The following ENO4 variants were observed in gnomAD, a reference collection of about 807,000 sequenced individuals.
ENO4 encodes the protein enolase 4.
In ENO4, 53 loss-of-function variants were observed where a neutral mutation model predicts 63.2. That is an observed-to-expected ratio of 0.84 (90% CI 0.67 to 1.05). The LOEUF (loss-of-function observed/expected upper bound fraction) is 1.05. ENO4 is among the 50% of genes least tolerant of loss of function. The probability of loss-of-function intolerance (pLI) is 0.00; values close to 1 mark genes in which losing one functional copy is unlikely to be tolerated. For missense variants in ENO4, 719 were observed against 772.0 expected, an observed-to-expected ratio of 0.93 and a Z score of 0.81; for synonymous variants, 266 against 283.8, an observed-to-expected ratio of 0.94 and a Z score of 0.63.
chr10:116,899,508 T>G (rs112996253), intron 10 of ENO4, among the ~76,000 whole-genome samples: 41 of 65,930 alleles, frequency 6.2e-4, no homozygotes, highest in Middle Eastern at 8.5e-3. Flanking sequence ...CTGGGGCTGG[T>G]GTGTGTGTGT....
chr10:116,883,378 G>A (rs1205588078), downstream of ENO4: 1 of 152,106 alleles, frequency 6.6e-6, no homozygotes, highest in Non-Finnish European at 1.5e-5. Context: ...TGTGGGATAG[G>A]GACATGTTAG....
downstream of ENO4, among the ~76,000 whole-genome samples, chr10:116,887,249 G>C (rs1847193945): frequency 6.6e-6 from 1 of 152,172 alleles, no homozygotes; most frequent in African/African-American, 2.4e-5. Flanking sequence ...GTTTTCCACA[G>C]ACTCCTTCTC....
At chr10:116,861,703 A>G (rs916211690) in intron 6 of ENO4, among the ~76,000 whole-genome samples, 9 of 152,170 alleles carry the variant, frequency 5.9e-5, no homozygotes, top group African/African-American at 1.9e-4. Flanking sequence ...AAGAGTCAAT[A>G]TGCCTCTTTA....
intron 10 of ENO4, chr10:116,911,371 A>G (rs1848184196): frequency 2.4e-6 from 3 of 1,247,654 alleles, no homozygotes; most frequent in Admixed American, 2.5e-5. Flanking sequence ...TGACCCTGAT[A>G]TGAAGCTATT....
intron 1 of ENO4, 77 bp downstream of exon 1, chr10:116,849,808 T>A: frequency 7.1e-7 from 1 of 1,407,226 alleles, no homozygotes; most frequent in Non-Finnish European, 9.5e-7. Flanking sequence ...GCCTTGCGCC[T>A]GCGCCTGCGC....
chr10:116,857,432 G>A (rs1846295510), intron 3 of ENO4, among the ~76,000 whole-genome samples: 1 of 152,106 alleles, frequency 6.6e-6, no homozygotes, highest in African/African-American at 2.4e-5. Context: ...CGCTAACAAG[G>A]AAGCATTTAC....
chr10:116,892,682 T>C (rs1281053955), intron 10 of ENO4, among the ~76,000 whole-genome samples: 1 of 152,204 alleles, frequency 6.6e-6, no homozygotes, highest in African/African-American at 2.4e-5. Flanking sequence ...AGATCGAAAG[T>C]CACAAATTAC....
chr10:116,902,983 T>TAC (rs1847807769), intron 10 of ENO4, among the ~76,000 whole-genome samples: 1 of 152,194 alleles, frequency 6.6e-6, no homozygotes, highest in Non-Finnish European at 1.5e-5. Context: ...GTGCCTGATA[T>TAC]ACTCAGTATA....
chr10:116,880,016 C>T, intron 13 of ENO4, 30 bp downstream of exon 13: 1 of 1,474,330 alleles, frequency 6.8e-7, no homozygotes, highest in Non-Finnish European at 9.3e-7. Flanking sequence ...TTTGTTTCCA[C>T]TTAGCCATGA....
intron 10 of ENO4, among the ~76,000 whole-genome samples, chr10:116,904,117 T>C (rs991594142): frequency 6.6e-6 from 1 of 152,170 alleles, no homozygotes; most frequent in Non-Finnish European, 1.5e-5. Flanking sequence ...ATGTTTCCTT[T>C]CTCTACTTGT....
At chr10:116,900,880 A>G in intron 10 of ENO4, 1 of 985,376 alleles carries the variant, frequency 1.0e-6, no homozygotes, top group Non-Finnish European at 1.2e-6. Flanking sequence ...AATAGTAGCA[A>G]TGAGAGAATG....
In ENO4 at chr10:116,849,825, A is replaced by C. The variant is rs903006457; in HGVS notation, c.165+94A>C. On this transcript the variant is annotated intron_variant, in intron 1 of 13. Coordinates refer to ENST00000341276, the MANE Select transcript of ENO4 (RefSeq NM_001242699.2). ...CTTGCGCCTGCGCCTGCGCCTCAGA[A>C]TCTCGCATGCCAGCCGCCCGGGCCC... 20 of 1,366,782 alleles carry C rather than the reference A, an allele frequency of 1.5e-5. No individual in the cohort carries two copies. In the African/African-American group the frequency reaches 2.2e-4, roughly 15 times the overall value. The allele number at this position is 1,366,782 out of a possible 1,614,324, so 84.7% of individuals were successfully genotyped here. A position where few individuals can be genotyped will look rare whatever the true frequency, so the allele number is the denominator to read the frequency against.
intron 10 of ENO4, among the ~76,000 whole-genome samples, chr10:116,899,506 G>GGTGT (rs370396879): frequency 0.05 from 6,167 of 124,476 alleles, 231 homozygotes; most frequent in African/African-American, 0.11. Context: ...GGCTGGGGCT[G>GGTGT]GTGTGTGTGT....
chr10:116,869,922 T>G (rs747966015), intron 8 of ENO4, among the ~76,000 whole-genome samples: 23 of 151,966 alleles, frequency 1.5e-4, no homozygotes, highest in Admixed American at 6.6e-5. Context: ...TATCTTTGTA[T>G]GATGTAAGGA....
chr10:116,872,175 C>T (rs1259559727), intron 9 of ENO4, among the ~76,000 whole-genome samples: 2 of 152,164 alleles, frequency 1.3e-5, no homozygotes, highest in Non-Finnish European at 2.9e-5. Flanking sequence ...CCAGCCTGGG[C>T]AACAAGAGTG....
chr10:116,871,870 T>C (rs1320003134), intron 9 of ENO4, among the ~76,000 whole-genome samples: 3 of 152,192 alleles, frequency 2.0e-5, no homozygotes, highest in Non-Finnish European at 4.4e-5. Flanking sequence ...AAGAGAAAGA[T>C]TCTAAAGAGA....
At chr10:116,889,581 G>C (rs930072054) in intron 10 of ENO4, among the ~76,000 whole-genome samples, 2 of 152,074 alleles carry the variant, frequency 1.3e-5, no homozygotes, top group Admixed American at 1.3e-4. Flanking sequence ...GAGGATGATG[G>C]GGCATGAAGA....
At chr10:116,862,236 G>A (rs1043718717) in intron 6 of ENO4, among the ~76,000 whole-genome samples, 21 of 152,050 alleles carry the variant, frequency 1.4e-4, no homozygotes, top group Admixed American at 1.4e-3. Flanking sequence ...GGCCAAGATG[G>A]GAGGATGGCC....
Position 116,881,683 on chromosome 10 carries a change from C to G in ENO4, c.*14C>G. On this transcript the variant is annotated 3_prime_UTR_variant, in exon 14 of 14. Transcript: ENST00000341276. ...TCCTCTGGATAGGGCTGTACACACC[C>G]CAGGTTCCAGCCACACCATCAGTAT... The G allele has an allele frequency of 1.4e-6, 2 of 1,476,632 alleles. No homozygotes were observed. Among genetic ancestry groups the G allele is most frequent in the Non-Finnish European group, 1.8e-6 (2 of 1,108,872 alleles). 91.5% of individuals were successfully genotyped at this position (1,476,632 alleles called of 1,614,324 possible).
Sources: gnomAD v4.1 joint callset for allele counts (sites outside exome capture counted in the v4.1 genomes callset) on GRCh38, gnomAD v4.1.1 for gene constraint, MANE v1.5 for transcripts, NCBI Gene and HGNC (gene_info 2026-07-23, HGNC 2026-07-21) for gene names.